CAPN15: variants seen among roughly 807,000 people sequenced by gnomAD.
CAPN15 encodes calpain-15.
In CAPN15, 53 loss-of-function variants were observed where a neutral mutation model predicts 97.9. The observed-to-expected ratio is 0.54, with a 90% confidence interval of 0.43 to 0.68. The LOEUF is 0.68. CAPN15 is among the 30% of genes least tolerant of loss of function. CAPN15 has a pLI of 0.00. For synonymous variants in CAPN15, 922 were observed against 722.5 expected (o/e 1.28, Z -4.43); for missense variants, 1,592 against 1,589.8 (o/e 1.00, Z -0.02).
chr16:548,057 C>A lies in CAPN15; in HGVS notation c.1219C>A (p.Arg407Ser). The A allele has an allele frequency of 6.5e-7, 1 of 1,548,926 alleles. No homozygotes were observed. Among genetic ancestry groups the A allele is most frequent in the Non-Finnish European group, 8.7e-7 (1 of 1,148,008 alleles). ...GGTGTCCTCGGCCCAGAAGGCCGCC[C>A]GCGTCCTGCCCGAGCGCCCGGGCCA... is the stretch of plus-strand genomic sequence containing the variant. ...GRVSSAQKAA[R>S]VLPERPGQWA... Residue 407 changes from arginine (R) to serine (S), a missense_variant, in exon 4 of 14, where the codon CGC becomes AGC. By Grantham distance (110) the Arg-to-Ser change is moderately radical. Transcript: ENST00000219611.
In CAPN15 at chr16:536,072, C is replaced by T. The variant is rs1481519126; in HGVS notation, c.-93C>T. ...AACCACGGACTGACCTGACCTGCGTCCTCGGGGCCACTGCACTGGGTGATT... is the reference window on the plus strand; with the variant it reads ...AACCACGGACTGACCTGACCTGCGTTCTCGGGGCCACTGCACTGGGTGATT... On this transcript the variant is annotated 5_prime_UTR_variant, in exon 3 of 14. Coordinates refer to ENST00000219611, the MANE Select transcript of CAPN15 (RefSeq NM_005632.3). 1 of 978,532 alleles carries T rather than the reference C, an allele frequency of 1.0e-6. No individual in the cohort carries two copies. The highest frequency in any genetic ancestry group is 1.2e-6 in the Non-Finnish European group (1 of 828,122). 60.6% of individuals were successfully genotyped at this position (978,532 alleles called of 1,614,324 possible).
intron 6 of CAPN15, 25 bp downstream of exon 6, chr16:549,496 C>T (rs757667715): frequency 2.0e-5 from 27 of 1,361,272 alleles, no homozygotes; most frequent in Admixed American, 1.5e-4. Context: ...AGGGTGGGCA[C>T]GGGCGGCAGG....
At chr16:550,713 C>CTGCCACA (rs2034940784) in intron 7 of CAPN15, among the ~76,000 whole-genome samples, 1 of 133,496 alleles carries the variant, frequency 7.5e-6, no homozygotes, top group Non-Finnish European at 1.6e-5. Context: ...CGGTGAGGGT[C>CTGCCACA]CCCTGTCGGT....
At chr16:549,900 G>A (rs558135093) in intron 7 of CAPN15, 62 bp downstream of exon 7, 1 of 1,352,052 alleles carries the variant, frequency 7.4e-7, no homozygotes, top group African/African-American at 1.4e-5. Context: ...GGAGCGGTGG[G>A]AGATGTGGGG....
chr16:548,370 G>T, intron 4 of CAPN15, 83 bp downstream of exon 4: 1 of 1,327,252 alleles, frequency 7.5e-7, no homozygotes, highest in Non-Finnish European at 9.9e-7. Flanking sequence ...TCTGGCGATG[G>T]GCTGGGGAGG....
At chr16:529,675 A>T (rs530622242) in intron 1 of CAPN15, among the ~76,000 whole-genome samples, 4 of 152,236 alleles carry the variant, frequency 2.6e-5, no homozygotes. Flanking sequence ...CCGCGGTGTG[A>T]TGCCTCTACT....
In CAPN15 at chr16:549,440, G is replaced by T; in HGVS notation, c.1811G>T (p.Cys604Phe). The T allele has an allele frequency of 6.3e-7, 1 of 1,598,782 alleles. No individual in the cohort carries two copies. Residue 604 changes from cysteine (C) to phenylalanine (F), a missense_variant, in exon 6 of 14, where the codon TGT becomes TTT. This residue lies in a region of CAPN15 where 65 missense variants were observed against 113.7 expected (regional missense o/e 0.57). Transcript: ENST00000219611. ...GTGCTGGTGGACGACATGCTGCCCT[G>T]TGATGAGGCCGGCTGCCTCCTCTTC... Reference protein sequence around the residue: ...TTVLVDDMLPCDEAGCLLFSQ... With the variant: ...TTVLVDDMLPFDEAGCLLFSQ...
intron 7 of CAPN15, among the ~76,000 whole-genome samples, chr16:550,749 GGTCGGTGAGGGT>G (rs2034952576): frequency 1.6e-5 from 2 of 122,690 alleles, no homozygotes; most frequent in African/African-American, 6.5e-5. Context: ...TGAGGGTCCC[GGTCGGTGAGGGT>G]CCCCTGCCGG....
chr16:549,771 A>G lies in CAPN15; in HGVS notation c.1999A>G (p.Asn667Asp), dbSNP rs375190447. 3 of 1,592,802 alleles carry G rather than the reference A, an allele frequency of 1.9e-6. No homozygotes were observed. The highest frequency in any genetic ancestry group is 2.6e-6 in the Non-Finnish European group (3 of 1,169,972). ...ESLALQLSSTNPREEPVDTDL... is the reference protein window; with the variant it reads ...ESLALQLSSTDPREEPVDTDL... Reference sequence around the variant, plus strand: ...CCTGGCGCTGCAGCTCAGCTCCACTAACCCCCGCGAGGAGCCCGTTGACAC... The same window carrying G: ...CCTGGCGCTGCAGCTCAGCTCCACTGACCCCCGCGAGGAGCCCGTTGACAC... Residue 667 changes from asparagine to aspartate, a missense_variant, in exon 7 of 14, where the codon AAC becomes GAC. By Grantham distance (23) the Asn-to-Asp change is conservative (BLOSUM62 1). Around this residue, in one of 3 missense-constraint regions of CAPN15, gnomAD observed 644 missense variants for 699.6 expected, o/e 0.92. Transcript: ENST00000219611.
At position 549,111 on chromosome 16, in the gene CAPN15, G is replaced by T. The variant is rs1399120355; in HGVS notation, c.1568G>T (p.Cys523Phe). The change falls in exon 5 of 14, where the codon TGC becomes TTC. Residue 523 changes from cysteine (C) to phenylalanine (F), a missense_variant. Around this residue, in one of 3 missense-constraint regions of CAPN15, gnomAD observed 883 missense variants for 776.6 expected, o/e 1.14. Coordinates refer to ENST00000219611, the MANE Select transcript of CAPN15 (RefSeq NM_005632.3). ...TGGCTGCGACCCCAGGAGATCAACT[G>T]CTCCGTCTTCAGGGACCACAGGGCC... ...RQWLRPQEINCSVFRDHRATW... is the reference protein window; with the variant it reads ...RQWLRPQEINFSVFRDHRATW... 1.2e-6 allele frequency: 2 copies of T among 1,612,350 alleles called. No individual in the cohort carries two copies. Among genetic ancestry groups the T allele is most frequent in the Non-Finnish European group, 1.7e-6 (2 of 1,179,930 alleles).
Position 548,136 on chromosome 16 carries a change from C to T in CAPN15, c.1298C>T (p.Ala433Val), listed in dbSNP as rs532521084. The change falls in exon 4 of 14, where the codon GCC becomes GTC. Residue 433 changes from alanine (A) to valine (V), a missense_variant. Around this residue, in one of 3 missense-constraint regions of CAPN15, gnomAD observed 883 missense variants for 776.6 expected, o/e 1.14. Coordinates refer to ENST00000219611, the MANE Select transcript of CAPN15 (RefSeq NM_005632.3). ...AACGCACTGCGGGCCAAGCACTGCG[C>T]CGCCTGCCACACGCCTCAGCTCCTG... is the stretch of plus-strand genomic sequence containing the variant. Reference protein sequence around the residue: ...LLNALRAKHCAACHTPQLLVA... With the variant: ...LLNALRAKHCVACHTPQLLVA... The T allele has an allele frequency of 1.3e-4, 193 of 1,529,698 alleles. 3 individuals are homozygous for T. In the South Asian group the frequency reaches 2.4e-3, roughly 19 times the overall value. The allele number at this position is 1,529,698 out of a possible 1,614,324, so 94.8% of individuals were successfully genotyped here.
chr16:549,350 C>T lies in CAPN15; in HGVS notation c.1721C>T (p.Thr574Met), dbSNP rs1209058463. The T allele has an allele frequency of 2.5e-6, 4 of 1,595,894 alleles. No individual in the cohort carries two copies. The highest frequency in any genetic ancestry group is 2.5e-6 in the Non-Finnish European group (3 of 1,177,632). Residue 574 changes from threonine to methionine, a missense_variant, in exon 6 of 14, where the codon ACG (threonine) becomes ATG (methionine). By Grantham distance (81) the Thr-to-Met change is moderately conservative. Coordinates refer to ENST00000219611, the MANE Select transcript of CAPN15 (RefSeq NM_005632.3). ...RPDLVERVMV[T>M]RSLCAEGAYQ... ...GACCTGGTGGAGCGGGTGATGGTCACGCGCAGCCTGTGTGCAGAGGGCGCC... is the reference window on the plus strand; with the variant it reads ...GACCTGGTGGAGCGGGTGATGGTCATGCGCAGCCTGTGTGCAGAGGGCGCC...
In CAPN15 at chr16:547,107, C is replaced by A; in HGVS notation, c.269C>A (p.Pro90Gln). 1 of 1,578,460 alleles carries A rather than the reference C, an allele frequency of 6.3e-7. No individual in the cohort carries two copies. Among genetic ancestry groups the A allele is most frequent in the South Asian group, 1.1e-5 (1 of 86,970 alleles). The stretch of plus-strand genomic sequence containing the variant: ...GTCCTCAACGGGGTCCTCCCCAAGC[C>A]ACCCGCCATCCTGGGGGAGCCCAAG... The part of the protein sequence containing the change: ...LPVLNGVLPK[P>Q]PAILGEPKGS... The change falls in exon 4 of 14, where the codon CCA (proline) becomes CAA (glutamine). Residue 90 changes from proline to glutamine, a missense_variant. Pro to Gln is a moderately conservative substitution (Grantham distance 76). This residue lies in a region of CAPN15 where 883 missense variants were observed against 776.6 expected (regional missense o/e 1.14). Transcript: ENST00000219611.
intron 7 of CAPN15, among the ~76,000 whole-genome samples, chr16:551,012 T>C (rs1323686897): frequency 2.4e-4 from 8 of 33,252 alleles, no homozygotes; most frequent in African/African-American, 1.2e-3. Flanking sequence ...GAGGGTCCCC[T>C]GTCGGTGAGG....
chr16:536,984 G>A (rs914935577), intron 3 of CAPN15: 11 of 299,236 alleles, frequency 3.7e-5, no homozygotes, highest in African/African-American at 2.0e-4. Flanking sequence ...CACCCCTCAC[G>A]GGGCTCTTGA....
intron 1 of CAPN15, among the ~76,000 whole-genome samples, chr16:530,655 C>T (rs1458385608): frequency 6.6e-6 from 1 of 152,156 alleles, no homozygotes. Flanking sequence ...AGGGAGGTGT[C>T]TGGGCGTGGA....
rs2034719595 is a variant in CAPN15, at chr16:547,992, G to C, written c.1154G>C (p.Gly385Ala). 1 of 1,580,984 alleles carries C rather than the reference G, an allele frequency of 6.3e-7. No homozygotes were observed. Among genetic ancestry groups the C allele is most frequent in the Non-Finnish European group, 8.6e-7 (1 of 1,165,672 alleles). The change falls in exon 4 of 14, where the codon GGG (glycine) becomes GCG (alanine). Residue 385 changes from glycine (G) to alanine (A), a missense_variant. Around this residue, in one of 3 missense-constraint regions of CAPN15, gnomAD observed 883 missense variants for 776.6 expected, o/e 1.14. Transcript: ENST00000219611. ...CCCCCCACCCACTGCCCCGACTGTG[G>C]GGCCGACAAGCCCAGCCCCTGCGGC... ...GEPPTHCPDC[G>A]ADKPSPCGRS...
rs1199036209 is a variant in CAPN15, at chr16:551,633, G to A, written c.2314G>A (p.Val772Ile). The change falls in exon 9 of 14, where the codon GTC (valine) becomes ATC (isoleucine). Residue 772 changes from valine (V) to isoleucine (I), a missense_variant. Physicochemically the swap from Val to Ile is conservative, Grantham distance 29. Coordinates refer to ENST00000219611, the MANE Select transcript of CAPN15 (RefSeq NM_005632.3). ...CATGCCGCACGGCAGCAGTGAGGGT[G>A]TCTTCTGGATGGAGTACGGCGACTT... ...ELMPHGSSEG[V>I]FWMEYGDFVR... is the part of the protein sequence containing the mutation. The A allele has an allele frequency of 2.5e-6, 4 of 1,601,678 alleles. No homozygotes were observed. Among genetic ancestry groups the A allele is most frequent in the African/African-American group, 1.3e-5 (1 of 74,980 alleles).
At position 552,044 on chromosome 16, in the gene CAPN15, C is replaced by T. The variant is rs1469118721; in HGVS notation, c.2346-7C>T. 2.3e-5 allele frequency: 35 copies of T among 1,547,788 alleles called. No individual in the cohort carries two copies. The highest frequency in any genetic ancestry group is 4.8e-5 in the South Asian group (4 of 83,940). On this transcript the variant is annotated splice_polypyrimidine_tract_variant and splice_region_variant and intron_variant, in intron 9 of 13. Transcript: ENST00000219611. This position sits in a 1 kb window ranked among gnomAD's most constrained non-coding sequence, Gnocchi z 6.4. Reference sequence around the variant, plus strand: ...GGCTCAGGGCCCCGTCCTCCCGCCACCTGCAGGTACTTCGACTCCGTGGAC... The same window carrying T: ...GGCTCAGGGCCCCGTCCTCCCGCCATCTGCAGGTACTTCGACTCCGTGGAC...
Sources: gnomAD v4.1 joint callset for allele counts (sites outside exome capture counted in the v4.1 genomes callset) on GRCh38, gnomAD v4.1.1 for gene constraint, gnomAD v4.1.1 regional missense constraint, Gnocchi (gnomAD v3.1) non-coding constraint, MANE v1.5 for transcripts, NCBI Gene and HGNC (gene_info 2026-07-23, HGNC 2026-07-21) for gene names.